Variants in NCAM1 observed in about 807,000 individuals in gnomAD.
NCAM1 encodes the protein antigen recognized by monoclonal antibody 5.1H11.
A neutral mutation model predicts 109.8 loss-of-function variants in NCAM1; 14 were observed. That is an observed-to-expected ratio of 0.13 (90% CI 0.08 to 0.20). The LOEUF (loss-of-function observed/expected upper bound fraction) is 0.20, where lower values mean the gene tolerates loss of function less well. Ranked by LOEUF, NCAM1 falls within the 10% of genes least tolerant of loss-of-function variation. The probability of loss-of-function intolerance (pLI) is 1.00; values close to 1 mark genes in which losing one functional copy is unlikely to be tolerated. For missense variants in NCAM1, 774 were observed against 1,109.9 expected, an observed-to-expected ratio of 0.70 and a Z score of 4.30; for synonymous variants, 418 against 442.9, an observed-to-expected ratio of 0.94 and a Z score of 0.70.
intron 1 of NCAM1, among the ~76,000 whole-genome samples, chr11:113,043,884 C>T (rs1404756531): frequency 7.9e-5 from 12 of 152,110 alleles, no homozygotes; most frequent in African/African-American, 2.9e-4. Context: ...ATGTGCTCTG[C>T]AGGTGCTCTG....
chr11:113,230,537 G>C (rs1944974747), intron 9 of NCAM1, among the ~76,000 whole-genome samples: 1 of 152,168 alleles, frequency 6.6e-6, no homozygotes, highest in Non-Finnish European at 1.5e-5. Context: ...TTCCTAATCT[G>C]GCTGCTGTAT....
At chr11:113,185,445 A>G (rs1206133500) in intron 1 of NCAM1, among the ~76,000 whole-genome samples, 1 of 152,184 alleles carries the variant, frequency 6.6e-6, no homozygotes, top group Non-Finnish European at 1.5e-5. Context: ...TGTTAATCTC[A>G]TTCAGAAACA....
intron 14 of NCAM1, among the ~76,000 whole-genome samples, chr11:113,244,674 TGTG>T: frequency 6.7e-6 from 1 of 150,146 alleles, no homozygotes; most frequent in African/African-American, 2.4e-5. Context: ...TGTGTGTGTG[TGTG>T]TGTGTGTGTG....
intron 1 of NCAM1, among the ~76,000 whole-genome samples, chr11:113,144,530 A>G (rs886426737): frequency 2.6e-5 from 4 of 152,182 alleles, no homozygotes; most frequent in Non-Finnish European, 4.4e-5. Context: ...AAATGGAATA[A>G]CCACTAATAC....
At chr11:113,205,911 C>A in intron 4 of NCAM1, 132 bp from the exon 5 acceptor site, 1 of 1,192,480 alleles carries the variant, frequency 8.4e-7, no homozygotes, top group Admixed American at 2.3e-5. Flanking sequence ...AAGCCAGGGA[C>A]GCATTTTCTT....
intron 1 of NCAM1, among the ~76,000 whole-genome samples, chr11:113,039,627 G>A (rs543346090): frequency 8.5e-5 from 13 of 152,258 alleles, no homozygotes; most frequent in African/African-American, 2.4e-4. Flanking sequence ...TTATTTCAGC[G>A]TCAGACCCTG....
chr11:113,083,318 CA>C (rs1480149686), intron 1 of NCAM1, among the ~76,000 whole-genome samples: 23 of 152,120 alleles, frequency 1.5e-4, no homozygotes, highest in Admixed American at 1.5e-3. Flanking sequence ...CAAATATACA[CA>C]GTTAATATCA....
At chr11:113,078,733 C>T (rs1938646980) in intron 1 of NCAM1, among the ~76,000 whole-genome samples, 1 of 152,130 alleles carries the variant, frequency 6.6e-6, no homozygotes, top group South Asian at 2.1e-4. Context: ...AAAGGCTATG[C>T]GGTAGTCCAC....
intron 14 of NCAM1, among the ~76,000 whole-genome samples, chr11:113,238,090 C>A (rs1945227833): frequency 6.6e-6 from 1 of 151,756 alleles, no homozygotes. Flanking sequence ...GGTCTCCAGA[C>A]CTTGTTGTTT....
At chr11:113,008,294 G>C (rs11214454) in intron 1 of NCAM1, among the ~76,000 whole-genome samples, 37 of 152,244 alleles carry the variant, frequency 2.4e-4, no homozygotes, top group African/African-American at 8.7e-4. Context: ...ATCACAGATA[G>C]GGGGGCAGGG....
intron 1 of NCAM1, among the ~76,000 whole-genome samples, chr11:112,969,359 T>C (rs1289593995): frequency 6.6e-6 from 1 of 152,108 alleles, no homozygotes; most frequent in Non-Finnish European, 1.5e-5. Flanking sequence ...GCAACTTACG[T>C]TCGTTGTCTG....
At chr11:113,030,114 A>T (rs148694425) in intron 1 of NCAM1, among the ~76,000 whole-genome samples, 1 of 152,280 alleles carries the variant, frequency 6.6e-6, no homozygotes, top group African/African-American at 2.4e-5. Flanking sequence ...GTTATTTAAA[A>T]CTTTCTGCAT....
intron 14 of NCAM1, among the ~76,000 whole-genome samples, chr11:113,244,497 C>T (rs1555119757): frequency 6.6e-6 from 1 of 152,182 alleles, no homozygotes; most frequent in African/African-American, 2.4e-5. Flanking sequence ...CTGAGTTTAG[C>T]ATGAACATAT....
At chr11:113,134,366 T>C (rs556414340) in intron 1 of NCAM1, among the ~76,000 whole-genome samples, 72 of 152,308 alleles carry the variant, frequency 4.7e-4, no homozygotes, top group Middle Eastern at 6.8e-3. Flanking sequence ...ATAGACCACA[T>C]TTTGTTTATC....
chr11:113,032,833 A>T (rs1940700), intron 1 of NCAM1, among the ~76,000 whole-genome samples: 1,870 of 152,280 alleles, frequency 0.012, 31 homozygotes, highest in African/African-American at 0.043. Context: ...TTATTTTCTT[A>T]TACTTAGCTG....
At chr11:113,056,992 G>A (rs1010848894) in intron 1 of NCAM1, among the ~76,000 whole-genome samples, 1 of 152,156 alleles carries the variant, frequency 6.6e-6, no homozygotes, top group Non-Finnish European at 1.5e-5. Context: ...GCCAGGCTTG[G>A]TGTTAGGTGC....
At chr11:113,100,295 G>A (rs1177793031) in intron 1 of NCAM1, among the ~76,000 whole-genome samples, 1 of 152,164 alleles carries the variant, frequency 6.6e-6, no homozygotes, top group Non-Finnish European at 1.5e-5. Flanking sequence ...GGGCTGGGGT[G>A]AGCACTTTTG....
Position 113,202,375 on chromosome 11 carries a change from T to G in NCAM1, c.53-4T>G. On this transcript the variant is annotated splice_polypyrimidine_tract_variant and splice_region_variant and intron_variant, in intron 1 of 19. Transcript: ENST00000316851. ...TTTTGTTTTGTTTTGTTTTGTTTTT[T>G]CAGTTTCTCTGCAGGTGGATATTGT... 6.2e-7 allele frequency: 1 copy of G among 1,611,518 alleles called. No homozygotes were observed. The highest frequency in any genetic ancestry group is 8.5e-7 in the Non-Finnish European group (1 of 1,179,122).
At chr11:113,227,752 A>G (rs566923023) in intron 9 of NCAM1, among the ~76,000 whole-genome samples, 1 of 152,370 alleles carries the variant, frequency 6.6e-6, no homozygotes, top group South Asian at 2.1e-4. Context: ...AGTGGGCTTC[A>G]TCCCTGGGAT....
Sources: allele counts gnomAD v4.1 joint callset (sites outside exome capture counted in the v4.1 genomes callset), GRCh38; gene constraint gnomAD v4.1.1; transcripts MANE v1.5; gene names NCBI Gene and HGNC (gene_info 2026-07-23, HGNC 2026-07-21).